SYNPR: variants seen among roughly 807,000 people sequenced by gnomAD.
SYNPR encodes the protein synaptoporin.
In SYNPR, 23 loss-of-function variants were observed where a neutral mutation model predicts 32.9. The observed-to-expected ratio is 0.70, with a 90% CI of 0.50 to 0.99. SYNPR has a LOEUF of 0.99. Ranked by LOEUF, SYNPR falls within the 50% of genes least tolerant of loss-of-function variation. The probability of loss-of-function intolerance (pLI) is 0.00; values close to 1 mark genes in which losing one functional copy is unlikely to be tolerated. For synonymous variants in SYNPR, 146 were observed against 135.9 expected, an observed-to-expected ratio of 1.07 and a Z score of -0.52; for missense variants, 318 against 349.3, an observed-to-expected ratio of 0.91 and a Z score of 0.71.
chr3:63,314,370 C>T (rs57243389), intron 2 of SYNPR, among the ~76,000 whole-genome samples: 19,397 of 151,456 alleles, frequency 0.13, 1,347 homozygotes, highest in Non-Finnish European at 0.16. Flanking sequence ...TGCATCCATG[C>T]CAACATCTAC....
chr3:63,402,071 C>G (rs1022228059), intron 2 of SYNPR, among the ~76,000 whole-genome samples: 1 of 152,140 alleles, frequency 6.6e-6, no homozygotes, highest in Non-Finnish European at 1.5e-5. Context: ...AGCCTACATG[C>G]TCATAAATGA....
At chr3:63,332,932 T>C (rs75221692) in intron 2 of SYNPR, among the ~76,000 whole-genome samples, 42,704 of 151,996 alleles carry the variant, frequency 0.28, 7,210 homozygotes, top group Non-Finnish European at 0.38. Context: ...ATCCCAGGCC[T>C]CTGCTCATAG....
chr3:63,571,083 C>T (rs1042402712), intron 4 of SYNPR, among the ~76,000 whole-genome samples: 1 of 152,082 alleles, frequency 6.6e-6, no homozygotes, highest in Non-Finnish European at 1.5e-5. Flanking sequence ...TCACAATAAG[C>T]ATCAATGTTA....
chr3:63,270,974 C>CT (rs1175808465), intron 3 of SYNPR, among the ~76,000 whole-genome samples: 1 of 14,348 alleles, frequency 7.0e-5, no homozygotes, highest in African/African-American at 2.1e-4. Context: ...TCCTTCTTTT[C>CT]TTCCTTCCTT....
chr3:63,226,853 C>G (rs6794666), upstream of SYNPR, among the ~76,000 whole-genome samples: 119,638 of 152,064 alleles, frequency 0.79, 47,584 homozygotes, highest in Middle Eastern at 0.88. Context: ...AGCCAGAAGA[C>G]AGGACTTGGA....
intron 3 of SYNPR, among the ~76,000 whole-genome samples, chr3:63,493,150 A>C (rs959756658): frequency 2.6e-5 from 4 of 152,050 alleles, no homozygotes; most frequent in African/African-American, 9.7e-5. Flanking sequence ...GCTGGTGTCA[A>C]CTGAGTGGTG....
chr3:63,586,320 T>A (rs933812345), intron 4 of SYNPR, among the ~76,000 whole-genome samples: 1 of 151,784 alleles, frequency 6.6e-6, no homozygotes, highest in African/African-American at 2.4e-5. Context: ...TGAAATGTAG[T>A]CACAATCCTT....
rs372950616 is a variant in SYNPR at position 63,309,006 on chromosome 3, C to G, written c.84+30264C>G. Among the ~76,000 whole-genome samples the G allele has an allele frequency of 5.9e-5, 9 of 151,936 alleles. No homozygotes were observed. The East Asian group carries it at 1.7e-3, about 29-fold the overall frequency. ...AATTAGGCTTCTTGAATTGGTCCCA[C>G]AGATCACTGATGCGCTGTTCATTTT... On this transcript the variant is annotated intron_variant, in intron 2 of 5. Coordinates refer to ENST00000478300, the MANE Select transcript of SYNPR (RefSeq NM_001130003.2).
intron 2 of SYNPR, among the ~76,000 whole-genome samples, chr3:63,385,542 T>G (rs1163086698): frequency 6.6e-6 from 1 of 152,234 alleles, no homozygotes. Flanking sequence ...ACAATGGATA[T>G]GAACTCACTC....
rs115142073 is a variant in SYNPR, at chr3:63,565,844, G to A, written c.408+9103G>A. Among the ~76,000 whole-genome samples the A allele has an allele frequency of 1.4e-3, 216 of 152,234 alleles. 2 individuals carry two copies. The highest frequency in any genetic ancestry group is 5.0e-3 in the African/African-American group (207 of 41,554). ...TATGGGGAACTCTCTACCTGTCACC[G>A]TGTTCATTCCTCTGGGTCCAGGAAC... On this transcript the variant is annotated intron_variant, in intron 4 of 5. Coordinates refer to ENST00000478300, the MANE Select transcript of SYNPR (RefSeq NM_001130003.2).
intron 2 of SYNPR, among the ~76,000 whole-genome samples, chr3:63,264,487 G>A (rs189638298): frequency 6.6e-6 from 1 of 152,238 alleles, no homozygotes; most frequent in African/African-American, 2.4e-5. Flanking sequence ...TCTATATGAA[G>A]GGCAATTTTA....
chr3:63,598,821 T>C (rs1485462515), intron 4 of SYNPR, among the ~76,000 whole-genome samples: 1 of 152,192 alleles, frequency 6.6e-6, no homozygotes, highest in Non-Finnish European at 1.5e-5. Context: ...AAAGGCCTAA[T>C]GTATGTATGA....
At chr3:63,202,210 A>G in the SYNPR span, among the ~76,000 whole-genome samples, 3 of 152,190 alleles carry the variant, frequency 2.0e-5, no homozygotes, top group Non-Finnish European at 2.9e-5. Flanking sequence ...TTTAAACCAA[A>G]TGACTCCTAG....
upstream of SYNPR, among the ~76,000 whole-genome samples, chr3:63,273,337 T>G (rs2086551770): frequency 6.6e-6 from 1 of 152,198 alleles, no homozygotes; most frequent in Admixed American, 6.5e-5. Flanking sequence ...TTTAGTCTCT[T>G]TGAACTGTGT....
intron 2 of SYNPR, among the ~76,000 whole-genome samples, chr3:63,395,456 G>A (rs2088199012): frequency 6.6e-6 from 1 of 152,124 alleles, no homozygotes; most frequent in African/African-American, 2.4e-5. Flanking sequence ...TAATTGCTGT[G>A]TGCCAGGCAC....
intron 2 of SYNPR, among the ~76,000 whole-genome samples, chr3:63,424,658 T>C (rs1699860704): frequency 6.6e-6 from 1 of 152,236 alleles, no homozygotes; most frequent in South Asian, 2.1e-4. Flanking sequence ...ATAAACAAGC[T>C]TCGCTTTGCA....
intron 2 of SYNPR, among the ~76,000 whole-genome samples, chr3:63,264,927 G>T (rs1267607596): frequency 7.7e-5 from 1 of 12,924 alleles, no homozygotes; most frequent in Non-Finnish European, 5.2e-4. Flanking sequence ...TCAGAATCAT[G>T]GGGGAGCCAT....
intron 2 of SYNPR, among the ~76,000 whole-genome samples, chr3:63,389,669 G>T (rs1020612592): frequency 1.3e-5 from 2 of 152,180 alleles, no homozygotes; most frequent in Non-Finnish European, 2.9e-5. Flanking sequence ...TCCAGTAGGG[G>T]TGATTCCCGA....
chr3:63,289,710 T>G (rs572844126), intron 2 of SYNPR, among the ~76,000 whole-genome samples: 181 of 152,296 alleles, frequency 1.2e-3, no homozygotes, highest in South Asian at 2.5e-3. Context: ...ACATCCAAAC[T>G]ATAGCATAAG....
Sources: gnomAD v4.1 joint callset for allele counts (sites outside exome capture counted in the v4.1 genomes callset) on GRCh38, gnomAD v4.1.1 for gene constraint, MANE v1.5 for transcripts, NCBI Gene and HGNC (gene_info 2026-07-23, HGNC 2026-07-21) for gene names.